Variants in MYO16 observed in about 807,000 individuals in gnomAD.
MYO16 encodes the protein myosin XVI.
In MYO16, 94 loss-of-function variants were observed where a neutral mutation model predicts 205.3. The observed-to-expected ratio is 0.46, with a 90% CI of 0.39 to 0.54. The LOEUF is 0.54. Ranked by LOEUF, MYO16 falls within the 20% of genes least tolerant of loss-of-function variation. The probability of loss-of-function intolerance (pLI) is 0.00; values close to 1 mark genes in which losing one functional copy is unlikely to be tolerated. For missense variants in MYO16, 2,315 were observed against 2,387.5 expected, an observed-to-expected ratio of 0.97 and a Z score of 0.63; for synonymous variants, 988 against 954.0, an observed-to-expected ratio of 1.04 and a Z score of -0.66.
chr13:109,164,828 C>T, intron 32 of MYO16, 73 bp from the exon 33 acceptor site: 2 of 727,202 alleles, frequency 2.8e-6, no homozygotes, highest in Non-Finnish European at 2.0e-6. Flanking sequence ...TTATTATTTT[C>T]TCCAAATGTT....
chr13:109,151,180 C>T (rs1028308597), intron 32 of MYO16, among the ~76,000 whole-genome samples: 2 of 152,142 alleles, frequency 1.3e-5, no homozygotes, highest in East Asian at 1.9e-4. Flanking sequence ...TTCACGCCAT[C>T]GAGAGTGAGC....
intron 9 of MYO16, among the ~76,000 whole-genome samples, chr13:108,825,753 C>G (rs1321373435): frequency 2.6e-5 from 4 of 151,664 alleles, no homozygotes; most frequent in African/African-American, 9.7e-5. Context: ...TACCCATGAT[C>G]AAGGCACAGA....
At chr13:108,685,609 G>T (rs1457268975) in intron 2 of MYO16, among the ~76,000 whole-genome samples, 1 of 152,180 alleles carries the variant, frequency 6.6e-6, no homozygotes, top group Admixed American at 6.5e-5. Context: ...GGCTGGGAGG[G>T]CCTTCAAATA....
chr13:109,108,336 G>T (rs184491891), intron 28 of MYO16, among the ~76,000 whole-genome samples: 1 of 152,296 alleles, frequency 6.6e-6, no homozygotes, highest in Admixed American at 6.5e-5. Flanking sequence ...TCTGCAGTGC[G>T]TTTGGGTGAT....
intron 15 of MYO16, among the ~76,000 whole-genome samples, chr13:108,902,604 G>C (rs1231221233): frequency 6.6e-6 from 1 of 152,136 alleles, no homozygotes; most frequent in African/African-American, 2.4e-5. Flanking sequence ...GACCTCTCTG[G>C]GGGGACCTCC....
chr13:108,667,766 C>A (rs1019970066), intron 2 of MYO16, among the ~76,000 whole-genome samples: 1 of 152,120 alleles, frequency 6.6e-6, no homozygotes, highest in Non-Finnish European at 1.5e-5. Flanking sequence ...ATAATTGGTG[C>A]CAGGTATGGT....
At chr13:109,121,013 C>T (rs1186289088) in intron 29 of MYO16, among the ~76,000 whole-genome samples, 1 of 152,006 alleles carries the variant, frequency 6.6e-6, no homozygotes, top group Non-Finnish European at 1.5e-5. Context: ...TCTACCACTG[C>T]ACAGCAACCT....
intron 31 of MYO16, among the ~76,000 whole-genome samples, chr13:109,130,336 A>G (rs1876474520): frequency 1.3e-5 from 2 of 152,148 alleles, no homozygotes; most frequent in African/African-American, 2.4e-5. Flanking sequence ...AAGTGTATGC[A>G]TTGTTTCCTT....
chr13:109,167,822 A>T (rs752972728), intron 33 of MYO16, among the ~76,000 whole-genome samples: 21 of 152,190 alleles, frequency 1.4e-4, no homozygotes, highest in Non-Finnish European at 2.6e-4. Context: ...AACATGCTCA[A>T]ATAAAATAAC....
intron 4 of MYO16, among the ~76,000 whole-genome samples, chr13:108,773,550 T>A (rs1204127010): frequency 6.6e-6 from 1 of 152,084 alleles, no homozygotes; most frequent in Non-Finnish European, 1.5e-5. Context: ...CCTCTGCGTG[T>A]GTGTCCATTT....
chr13:108,575,856 A>G, the MYO16 span, among the ~76,000 whole-genome samples: 1 of 152,262 alleles, frequency 6.6e-6, no homozygotes, highest in South Asian at 2.1e-4. Context: ...CAGGTGTTGC[A>G]GAAAGATTCC....
At chr13:108,834,673 CAT>C (rs1330578320) in intron 9 of MYO16, among the ~76,000 whole-genome samples, 4 of 136,698 alleles carry the variant, frequency 2.9e-5, no homozygotes, top group African/African-American at 2.8e-5. Flanking sequence ...CTCTCTCACA[CAT>C]ATATATATGT....
At chr13:109,080,762 A>G (rs1333520194) in intron 27 of MYO16, among the ~76,000 whole-genome samples, 1 of 152,186 alleles carries the variant, frequency 6.6e-6, no homozygotes, top group Admixed American at 6.6e-5. Flanking sequence ...AATAATGAGC[A>G]TAGAGGGATA....
Position 109,179,625 on chromosome 13 carries a change from A to G in MYO16, c.5407A>G (p.Thr1803Ala). ...STFQRHRDSH[T>A]TQVIHQLRLS... ...ATTTCAAAGACACAGGGACAGTCAC[A>G]CCACTCAGGTAATGATGTCTGTCTG... The change falls in exon 34 of 35, where the codon ACC (threonine) becomes GCC (alanine). Residue 1803 changes from threonine (T) to alanine (A), a missense_variant. Coordinates refer to ENST00000457511, the MANE Select transcript of MYO16 (RefSeq NM_001198950.3). The G allele has an allele frequency of 6.2e-7, 1 of 1,612,070 alleles. No individual in the cohort carries two copies. The highest frequency in any genetic ancestry group is 8.5e-7 in the Non-Finnish European group (1 of 1,178,188).
At chr13:108,506,594 T>A in the MYO16 span, among the ~76,000 whole-genome samples, 2 of 151,978 alleles carry the variant, frequency 1.3e-5, no homozygotes, top group Non-Finnish European at 2.9e-5. Context: ...GTGTGCATAG[T>A]CCAGAATTTT....
At chr13:108,526,162 T>G in the MYO16 span, among the ~76,000 whole-genome samples, 1 of 152,172 alleles carries the variant, frequency 6.6e-6, no homozygotes, top group Non-Finnish European at 1.5e-5. Context: ...TTGGGGAATT[T>G]GGAAGAGTAG....
chr13:108,794,764 A>G (rs1280826864), intron 6 of MYO16, among the ~76,000 whole-genome samples: 1 of 152,168 alleles, frequency 6.6e-6, no homozygotes, highest in East Asian at 1.9e-4. Flanking sequence ...GACCCAGGGG[A>G]AAAAAATTTG....
chr13:108,714,023 T>C (rs995452641), intron 3 of MYO16, among the ~76,000 whole-genome samples: 1 of 152,186 alleles, frequency 6.6e-6, no homozygotes, highest in Admixed American at 6.5e-5. Flanking sequence ...ATTCTCTTCA[T>C]GGCAAATATC....
chr13:108,915,742 G>A (rs958859884), intron 16 of MYO16, among the ~76,000 whole-genome samples: 1 of 152,152 alleles, frequency 6.6e-6, no homozygotes, highest in African/African-American at 2.4e-5. Flanking sequence ...ATTGATTAAT[G>A]GTGGAAATGA....
Sources: allele counts gnomAD v4.1 joint callset (sites outside exome capture counted in the v4.1 genomes callset), GRCh38; gene constraint gnomAD v4.1.1; transcripts MANE v1.5; gene names NCBI Gene and HGNC (gene_info 2026-07-23, HGNC 2026-07-21).